The following TSHZ2 variants were observed in gnomAD, a reference collection of about 807,000 sequenced individuals.
The protein encoded by TSHZ2 is teashirt homolog 2.
TSHZ2 carries 21 observed loss-of-function variants against 74.4 expected under a neutral mutation model. That is an observed-to-expected ratio of 0.28 (90% CI 0.20 to 0.41). The LOEUF (loss-of-function observed/expected upper bound fraction) is 0.41, where lower values mean the gene tolerates loss of function less well. Ranked by LOEUF, TSHZ2 falls within the 10% of genes least tolerant of loss-of-function variation. The pLI is 1.00. For synonymous variants in TSHZ2, 540 were observed against 515.3 expected (o/e 1.05, Z -0.65); for missense variants, 1,244 against 1,293.5 (o/e 0.96, Z 0.59).
At chr20:52,976,451 C>T (rs990201360) in intron 1 of TSHZ2, among the ~76,000 whole-genome samples, 1 of 152,214 alleles carries the variant, frequency 6.6e-6, no homozygotes, top group Admixed American at 6.5e-5. Context: ...ATTTCACTCA[C>T]CATTAAAATA....
chr20:53,257,831 A>G (rs1990515120), intron 2 of TSHZ2, among the ~76,000 whole-genome samples: 1 of 152,214 alleles, frequency 6.6e-6, no homozygotes. Context: ...AATATGAAAA[A>G]CTAATAACAT....
chr20:53,243,044 G>A (rs572894987), intron 1 of TSHZ2, among the ~76,000 whole-genome samples: 1 of 152,230 alleles, frequency 6.6e-6, no homozygotes, highest in Admixed American at 6.5e-5. Context: ...AAATAACTTT[G>A]GTTGTTGGTA....
At chr20:53,422,787 T>C (rs1983524759) in intron 2 of TSHZ2, among the ~76,000 whole-genome samples, 1 of 152,230 alleles carries the variant, frequency 6.6e-6, no homozygotes, top group Admixed American at 6.5e-5. Context: ...TAAAATATAC[T>C]TATTCTAATC....
At chr20:53,469,628 G>A (rs1215055954) in intron 2 of TSHZ2, among the ~76,000 whole-genome samples, 1 of 67,298 alleles carries the variant, frequency 1.5e-5, no homozygotes, top group African/African-American at 6.5e-5. Context: ...GAGGGAGGAA[G>A]GGAGGGAGGA....
At chr20:53,372,824 T>G (rs919168388) in intron 2 of TSHZ2, among the ~76,000 whole-genome samples, 1 of 152,210 alleles carries the variant, frequency 6.6e-6, no homozygotes, top group Non-Finnish European at 1.5e-5. Flanking sequence ...CTTTGAGACT[T>G]TAAGCTTCAT....
At chr20:53,239,779 T>C (rs1990023228) in intron 1 of TSHZ2, among the ~76,000 whole-genome samples, 1 of 152,142 alleles carries the variant, frequency 6.6e-6, no homozygotes, top group South Asian at 2.1e-4. Context: ...TCATAATTGT[T>C]AGGGACTGAA....
intron 2 of TSHZ2, among the ~76,000 whole-genome samples, chr20:53,465,772 T>C (rs1985538451): frequency 1.3e-5 from 2 of 151,910 alleles, no homozygotes; most frequent in South Asian, 4.1e-4. Flanking sequence ...AATAAAACAA[T>C]AGCAGTCAAG....
intron 2 of TSHZ2, among the ~76,000 whole-genome samples, chr20:53,357,550 C>A (rs1980891763): frequency 6.6e-6 from 1 of 151,914 alleles, no homozygotes; most frequent in African/African-American, 2.4e-5. Context: ...CAATTAATTT[C>A]TAAGCTAGTA....
chr20:53,346,111 CCT>C (rs1260553597), intron 2 of TSHZ2, among the ~76,000 whole-genome samples: 2 of 152,296 alleles, frequency 1.3e-5, no homozygotes, highest in East Asian at 3.9e-4. Context: ...GGCAATCTTC[CCT>C]GTTTCGGATG....
intron 1 of TSHZ2, among the ~76,000 whole-genome samples, chr20:53,079,935 C>A (rs1285376383): frequency 3.3e-5 from 5 of 151,884 alleles, no homozygotes; most frequent in African/African-American, 1.2e-4. Flanking sequence ...TGGTCTGACT[C>A]CAAAGTTCAA....
At chr20:53,057,572 C>T (rs746107902) in intron 1 of TSHZ2, among the ~76,000 whole-genome samples, 1 of 151,986 alleles carries the variant, frequency 6.6e-6, no homozygotes, top group Non-Finnish European at 1.5e-5. Flanking sequence ...ATCATAACTT[C>T]TTTTTATGTC....
intron 2 of TSHZ2, among the ~76,000 whole-genome samples, chr20:53,352,057 A>G (rs1287430415): frequency 6.6e-6 from 1 of 152,162 alleles, no homozygotes; most frequent in African/African-American, 2.4e-5. Context: ...TTCACTCTAT[A>G]AGATTATCCT....
intron 1 of TSHZ2, among the ~76,000 whole-genome samples, chr20:53,127,311 TAAAC>T (rs1252102208): frequency 4.6e-5 from 7 of 152,128 alleles, no homozygotes. Flanking sequence ...GATTCAGAGA[TAAAC>T]AAGGATTGAA....
chr20:53,246,419 G>C (rs964206264), intron 1 of TSHZ2, among the ~76,000 whole-genome samples: 1 of 152,156 alleles, frequency 6.6e-6, no homozygotes, highest in African/African-American at 2.4e-5. Context: ...GTCCAGTCTA[G>C]CTGAGTATAC....
intron 1 of TSHZ2, among the ~76,000 whole-genome samples, chr20:53,098,464 A>G (rs1218897080): frequency 2.0e-5 from 3 of 152,214 alleles, no homozygotes; most frequent in African/African-American, 7.2e-5. Context: ...TTTAGTGCTT[A>G]CTTTGTGTAC....
chr20:53,479,277 C>G (rs564760643), intron 2 of TSHZ2, among the ~76,000 whole-genome samples: 1 of 151,812 alleles, frequency 6.6e-6, no homozygotes, highest in East Asian at 1.9e-4. Flanking sequence ...TATTAAAATG[C>G]AGGTTCCAAA....
intron 2 of TSHZ2, among the ~76,000 whole-genome samples, chr20:53,267,254 T>G (rs369050131): frequency 6.6e-5 from 10 of 151,926 alleles, no homozygotes; most frequent in Admixed American, 6.6e-5. Flanking sequence ...AAACAAGAAG[T>G]GTGTCCCAGG....
At chr20:53,426,899 T>A (rs1983675284) in intron 2 of TSHZ2, among the ~76,000 whole-genome samples, 1 of 152,238 alleles carries the variant, frequency 6.6e-6, no homozygotes, top group Non-Finnish European at 1.5e-5. Context: ...TTACTTCTCC[T>A]TGATTAGCAT....
chr20:53,354,762 T>G (rs1264544451), intron 2 of TSHZ2, among the ~76,000 whole-genome samples: 1 of 152,226 alleles, frequency 6.6e-6, no homozygotes. Flanking sequence ...CCTTTAATAT[T>G]GATAAAGAAT....
Sources: gnomAD v4.1 joint callset for allele counts (sites outside exome capture counted in the v4.1 genomes callset) on GRCh38, gnomAD v4.1.1 for gene constraint, MANE v1.5 for transcripts, NCBI Gene and HGNC (gene_info 2026-07-23, HGNC 2026-07-21) for gene names.